Variants in AP3B2 observed in about 807,000 individuals in gnomAD.
AP3B2 encodes the protein adaptor related protein complex 3 subunit beta 2.
A neutral mutation model predicts 126.9 loss-of-function variants in AP3B2; 50 were observed. The ratio of observed to expected loss-of-function variants is 0.39; its 90% CI spans 0.31 to 0.50. AP3B2 has a LOEUF of 0.50. Ranked by LOEUF, AP3B2 falls within the 20% of genes least tolerant of loss-of-function variation. The pLI is 0.79. For synonymous variants in AP3B2, 541 were observed against 565.0 expected (o/e 0.96, Z 0.60); for missense variants, 1,177 against 1,426.4 (o/e 0.83, Z 2.82).
intron 3 of AP3B2, 102 bp downstream of exon 3, chr15:82,689,056 G>C: frequency 7.5e-7 from 1 of 1,336,232 alleles, no homozygotes; most frequent in Non-Finnish European, 1.1e-6. Flanking sequence ...TTTCTCAGCA[G>C]GTCGGGCCCC....
At position 82,665,480 on chromosome 15, in the gene AP3B2, C is replaced by T; in HGVS notation, c.1948G>A (p.Asp650Asn). The T allele has an allele frequency of 6.2e-7, 1 of 1,613,442 alleles. No homozygotes were observed. The highest frequency in any genetic ancestry group is 2.2e-5 in the East Asian group (1 of 44,836). Residue 650 changes from aspartate to asparagine, a missense_variant, in exon 16 of 27, where the codon GAC becomes AAC. By Grantham distance (23) the Asp-to-Asn change is conservative. Transcript: ENST00000535359. The surrounding 1 kb of genome is among the most constrained non-coding windows in gnomAD (Gnocchi z 4.4). Reference protein sequence around the residue: ...ELPDWPEEAPDPSVRNVEEED... With the variant: ...ELPDWPEEAPNPSVRNVEEED... ...ACCTCCACGTTGCGCACAGATGGGT[C>T]TGGGGCTTCCTCCGGCCAGTCTGGG...
chr15:82,670,121 G>GGGGC (rs2048131693), intron 14 of AP3B2, among the ~76,000 whole-genome samples: 1 of 135,006 alleles, frequency 7.4e-6, no homozygotes, highest in Non-Finnish European at 1.6e-5. Flanking sequence ...TTGGCGGGGG[G>GGGGC]GGACGAAGAT....
At chr15:82,674,397 G>A (rs2048209455) in intron 14 of AP3B2, among the ~76,000 whole-genome samples, 1 of 152,194 alleles carries the variant, frequency 6.6e-6, no homozygotes, top group African/African-American at 2.4e-5. Context: ...ATTCTAAGGG[G>A]CCTGCAAAAA....
chr15:82,679,843 G>A, intron 9 of AP3B2, 43 bp from the exon 10 acceptor site: 1 of 1,575,196 alleles, frequency 6.3e-7, no homozygotes, highest in Non-Finnish European at 8.7e-7. Flanking sequence ...CGAAGCCCCA[G>A]GCCTGCCTCG....
chr15:82,659,400 T>G lies in AP3B2; in HGVS notation c.*160A>C. 20 of 835,340 alleles carry G rather than the reference T, an allele frequency of 2.4e-5. No individual in the cohort carries two copies. The highest frequency in any genetic ancestry group is 5.3e-5 in the East Asian group (2 of 37,868). 51.7% of individuals were successfully genotyped at this position (835,340 alleles called of 1,614,324 possible). On this transcript the variant is annotated 3_prime_UTR_variant, in exon 27 of 27. Transcript: ENST00000535359. ...CACTAAGGAATCCATGGGGAGGGCA[T>G]TAGGGGAGGGCTTGGTCCTCCAGAG...
At position 82,709,655 on chromosome 15, in the gene AP3B2, C is replaced by A. The variant is rs1197791802; in HGVS notation, c.52G>T (p.Gly18Trp). The A allele has an allele frequency of 6.6e-7, 1 of 1,516,042 alleles. No homozygotes were observed. The highest frequency in any genetic ancestry group is 2.7e-5 in the East Asian group (1 of 37,114). The allele number at this position is 1,516,042 out of a possible 1,614,324, so 93.9% of individuals were successfully genotyped here. Residue 18 changes from glycine (G) to tryptophan (W), a missense_variant, in exon 1 of 27, where the codon GGG (glycine) becomes TGG (tryptophan). Coordinates refer to ENST00000535359, the MANE Select transcript of AP3B2 (RefSeq NM_001278512.2). ...SEDKGGSAGP[G>W]EPEYGHDPAS... ...GGGTCGTGGCCGTACTCGGGCTCCC[C>A]GGGGCCAGCGGAGCCGCCCTTGTCT...
At chr15:82,663,718 GAGAT>G in intron 20 of AP3B2, 79 bp downstream of exon 20, 2 of 1,601,282 alleles carry the variant, frequency 1.2e-6, no homozygotes, top group Non-Finnish European at 1.7e-6. Context: ...GGATGGTAGG[GAGAT>G]AGATGTCTGG....
intron 1 of AP3B2, chr15:82,691,753 T>TG: frequency 6.3e-7 from 1 of 1,584,050 alleles, no homozygotes; most frequent in Admixed American, 1.7e-5. Context: ...AGAAGTGGTG[T>TG]GGGGAACCCC....
intron 14 of AP3B2, among the ~76,000 whole-genome samples, chr15:82,670,351 C>T (rs2048135941): frequency 6.6e-6 from 1 of 152,098 alleles, no homozygotes; most frequent in African/African-American, 2.4e-5. Context: ...TTCAGGTGAT[C>T]CACCAGCCTC....
In AP3B2 at chr15:82,709,581, C is replaced by A; in HGVS notation, c.113+13G>T. On this transcript the variant is annotated intron_variant, in intron 1 of 26. Transcript: ENST00000535359. ...CCCAACCCTCCCGCGAGCTTCCTGG[C>A]GGGCTCCCTCACCGCTTGTAGTCGG... 4 of 1,485,764 alleles carry A rather than the reference C, an allele frequency of 2.7e-6. No homozygotes were observed. Among genetic ancestry groups the A allele is most frequent in the African/African-American group, 1.5e-5 (1 of 68,426 alleles). The allele number at this position is 1,485,764 out of a possible 1,614,324, so 92.0% of individuals were successfully genotyped here. A position where few individuals can be genotyped will look rare whatever the true frequency, so the allele number is the denominator to read the frequency against.
chr15:82,661,728 A>T (rs2047952623), intron 25 of AP3B2, 97 bp downstream of exon 25: 1 of 1,005,890 alleles, frequency 9.9e-7, no homozygotes, highest in Non-Finnish European at 1.5e-6. Flanking sequence ...CCCCTGGTCT[A>T]GATGAAGGAC....
In AP3B2 at chr15:82,666,795, G is replaced by A. The variant is rs1397960537; in HGVS notation, c.1804C>T (p.Leu602Phe). The change falls in exon 15 of 27, where the codon CTC becomes TTC. Residue 602 changes from leucine to phenylalanine, a missense_variant. Physicochemically the swap from Leu to Phe is conservative, Grantham distance 22. Transcript: ENST00000535359. ...GGAGCTGGTTTGGGTGCCAGGAAGAGCTTCTTGGCATGGCGGCTGAGGGCC... is the reference window on the plus strand; with the variant it reads ...GGAGCTGGTTTGGGTGCCAGGAAGAACTTCTTGGCATGGCGGCTGAGGGCC... ...GGALSRHAKK[L>F]FLAPKPAPVL... 7 of 1,614,032 alleles carry A rather than the reference G, an allele frequency of 4.3e-6. No individual in the cohort carries two copies. The South Asian group carries it at 5.5e-5, about 13-fold the overall frequency.
rs1244154307 is a variant in AP3B2 at position 82,676,779 on chromosome 15, T to TGA, written c.1489-144_1489-143dup. On this transcript the variant is annotated intron_variant, in intron 13 of 26. Coordinates refer to ENST00000535359, the MANE Select transcript of AP3B2 (RefSeq NM_001278512.2). ...CTCTGGAAATGGGAGTTGGGGGTGG[T>TGA]GAGATAGAGAGAGGTTAAAAGGTAG... is the stretch of plus-strand genomic sequence containing the variant. The TGA allele has an allele frequency of 2.8e-5, 22 of 789,104 alleles. No individual in the cohort carries two copies. The Admixed American group carries it at 3.4e-4, about 12-fold the overall frequency. 48.9% of individuals were successfully genotyped at this position (789,104 alleles called of 1,614,324 possible).
intron 4 of AP3B2, among the ~76,000 whole-genome samples, chr15:82,682,646 G>A (rs1167846304): frequency 6.6e-6 from 1 of 151,700 alleles, no homozygotes; most frequent in Non-Finnish European, 1.5e-5. Context: ...AGCCCAGGGA[G>A]TTGGAGGCTG....
At position 82,698,919 on chromosome 15, in the gene AP3B2, G is replaced by A. The variant is rs189074770; in HGVS notation, c.114-9466C>T. On this transcript the variant is annotated intron_variant, in intron 1 of 26. Coordinates refer to ENST00000535359, the MANE Select transcript of AP3B2 (RefSeq NM_001278512.2). ...GCCAGCACAGGTAAGATTGACTGTC[G>A]AATATGCACTGACACAGAATATGCA... Among the ~76,000 whole-genome samples, 177 of 152,216 alleles carry A rather than the reference G, an allele frequency of 1.2e-3. 1 individual carries two copies. Among genetic ancestry groups the A allele is most frequent in the Middle Eastern group, 6.8e-3 (2 of 294 alleles).
rs893998178 is a variant in AP3B2, at chr15:82,680,670, G to A, written c.857C>T (p.Ala286Val). ...EAKGAGSEET[A>V]AAAAPSRKPY... The stretch of plus-strand genomic sequence containing the variant: ...CTTTCGGGAGGGGGCGGCCGCGGCG[G>A]CCGTCTCCTCAGACCCCGCGCCCTT... Residue 286 changes from alanine to valine, a missense_variant, in exon 8 of 27, where the codon GCC becomes GTC. Physicochemically the swap from Ala to Val is moderately conservative, Grantham distance 64 (BLOSUM62 0). Coordinates refer to ENST00000535359, the MANE Select transcript of AP3B2 (RefSeq NM_001278512.2). The surrounding 1 kb of genome is among the most constrained non-coding windows in gnomAD (Gnocchi z 6.1). The A allele has an allele frequency of 2.5e-6, 4 of 1,579,348 alleles. No individual in the cohort carries two copies. The highest frequency in any genetic ancestry group is 3.4e-6 in the Non-Finnish European group (4 of 1,167,648).
chr15:82,684,516 T>C (rs1424155873), intron 4 of AP3B2, among the ~76,000 whole-genome samples: 2 of 152,212 alleles, frequency 1.3e-5, no homozygotes, highest in Admixed American at 6.5e-5. Flanking sequence ...TGATCGTCTA[T>C]CCAGACCACT....
Position 82,663,930 on chromosome 15 carries a change from C to T in AP3B2, c.2307G>A (p.Val769=). The change falls in exon 20 of 27, where the codon GTG becomes GTA. Residue 769 remains valine (V), a synonymous_variant. Coordinates refer to ENST00000535359, the MANE Select transcript of AP3B2 (RefSeq NM_001278512.2). ...ATGACGCTTCTCCTTTTCTCTCTGG[C>T]ACCTTCTTCTTTGTCTTCCTCTTAC... is the stretch of plus-strand genomic sequence containing the variant. ...EDGKRKTKKK[V]PERKGEASSS... 1 of 1,610,578 alleles carries T rather than the reference C, an allele frequency of 6.2e-7. No homozygotes were observed. Among genetic ancestry groups the T allele is most frequent in the Admixed American group, 1.7e-5 (1 of 60,000 alleles).
At chr15:82,663,341 A>C (rs545452946) in intron 21 of AP3B2, 108 bp from the exon 22 acceptor site, 1 of 1,045,248 alleles carries the variant, frequency 9.6e-7, no homozygotes, top group African/African-American at 1.6e-5. Context: ...ACAGCGGGGC[A>C]CATGGCTGCC....
Sources: gnomAD v4.1 joint callset for allele counts (sites outside exome capture counted in the v4.1 genomes callset) on GRCh38, gnomAD v4.1.1 for gene constraint, Gnocchi (gnomAD v3.1) non-coding constraint, MANE v1.5 for transcripts, NCBI Gene and HGNC (gene_info 2026-07-23, HGNC 2026-07-21) for gene names.